The following ZNF654 variants were observed in gnomAD, a reference collection of about 807,000 sequenced individuals.
ZNF654 encodes melanoma-associated antigen.
ZNF654 carries 19 observed loss-of-function variants against 95.3 expected under a neutral mutation model. That is an observed-to-expected ratio of 0.20 (90% CI 0.14 to 0.29). ZNF654 has a LOEUF of 0.29. Among genes scored for constraint, ZNF654 ranks in the 10% least tolerant of loss-of-function variants. The probability of loss-of-function intolerance (pLI) is 1.00; values close to 1 mark genes in which losing one functional copy is unlikely to be tolerated. For synonymous variants in ZNF654, 413 were observed against 457.9 expected (o/e 0.90, Z 1.25); for missense variants, 1,046 against 1,341.0 (o/e 0.78, Z 3.44).
intron 3 of ZNF654, among the ~76,000 whole-genome samples, chr3:88,114,313 G>C (rs1202228911): frequency 6.6e-6 from 1 of 152,138 alleles, no homozygotes. Flanking sequence ...AGAGATGTTG[G>C]CTGACCACTG....
chr3:88,131,424 C>G (rs890619220), intron 6 of ZNF654, among the ~76,000 whole-genome samples: 3 of 152,120 alleles, frequency 2.0e-5, no homozygotes, highest in African/African-American at 7.2e-5. Flanking sequence ...TAGAAATGTT[C>G]TCTGCCCTGA....
chr3:88,071,385 C>A (rs1707500876), intron 1 of ZNF654, among the ~76,000 whole-genome samples: 1 of 152,174 alleles, frequency 6.6e-6, no homozygotes, highest in Non-Finnish European at 1.5e-5. Flanking sequence ...TGGCTCACTC[C>A]TGTAATCCCA....
At chr3:88,063,791 A>G (rs557826277) in intron 1 of ZNF654, among the ~76,000 whole-genome samples, 46 of 152,148 alleles carry the variant, frequency 3.0e-4, no homozygotes, top group Middle Eastern at 3.4e-3. Context: ...TACAGTGGCC[A>G]TACTATCATT....
intron 8 of ZNF654, among the ~76,000 whole-genome samples, chr3:88,141,406 G>A (rs1258812930): frequency 6.6e-6 from 1 of 151,956 alleles, no homozygotes; most frequent in Non-Finnish European, 1.5e-5. Context: ...ATTTTGATGG[G>A]AATTATTTTT....
Position 88,138,937 on chromosome 3 carries a change from A to G in ZNF654, c.1268A>G (p.Asn423Ser). Residue 423 changes from asparagine (N) to serine (S), a missense_variant, in exon 8 of 9, where the codon AAT (asparagine) becomes AGT (serine). Physicochemically the swap from Asn to Ser is conservative, Grantham distance 46. Transcript: ENST00000636215. The stretch of plus-strand genomic sequence containing the variant: ...TACAAACGTCCAGATGAAGAATATA[A>G]TGAAGGCACAAGTAGTGTTCAAAAT... The part of the protein sequence containing the change: ...ELYKRPDEEY[N>S]EGTSSVQNRV... 4 of 1,237,104 alleles carry G rather than the reference A, an allele frequency of 3.2e-6. No individual in the cohort carries two copies. In the South Asian group the frequency reaches 1.2e-4, roughly 38 times the overall value. The allele number at this position is 1,237,104 out of a possible 1,614,324, so 76.6% of individuals were successfully genotyped here. A position where few individuals can be genotyped will look rare whatever the true frequency, so the allele number is the denominator to read the frequency against.
At chr3:88,136,493 C>G (rs1706791751) in intron 7 of ZNF654, among the ~76,000 whole-genome samples, 1 of 152,120 alleles carries the variant, frequency 6.6e-6, no homozygotes, top group Admixed American at 6.6e-5. Flanking sequence ...GATGGCATAT[C>G]TAAAAAGGGT....
chr3:88,060,058 G>T (rs1706771986), intron 1 of ZNF654, among the ~76,000 whole-genome samples: 1 of 152,044 alleles, frequency 6.6e-6, no homozygotes, highest in South Asian at 2.1e-4. Context: ...CGTAGACGCT[G>T]ACCCACGGTG....
chr3:88,108,132 G>T (rs953595983), intron 2 of ZNF654, among the ~76,000 whole-genome samples: 1 of 151,908 alleles, frequency 6.6e-6, no homozygotes, highest in African/African-American at 2.4e-5. Flanking sequence ...TAAATTCTTG[G>T]CTTGAGAATT....
chr3:88,129,321 T>TAAAAAAAAAAA (rs11370327), intron 5 of ZNF654, among the ~76,000 whole-genome samples: 2 of 76,946 alleles, frequency 2.6e-5, no homozygotes, highest in Non-Finnish European at 4.8e-5. Context: ...TTGCCAGGAG[T>TAAAAAAAAAAA]AAAAAAAAAA....
At chr3:88,138,666 GAAA>G in intron 7 of ZNF654, 36 bp from the exon 8 acceptor site, 1 of 1,191,056 alleles carries the variant, frequency 8.4e-7, no homozygotes, top group African/African-American at 1.6e-5. Context: ...CATTTTTTTG[GAAA>G]AAAAGTATTT....
intron 3 of ZNF654, among the ~76,000 whole-genome samples, chr3:88,122,455 C>A (rs61296869): frequency 6.6e-6 from 1 of 152,092 alleles, no homozygotes; most frequent in Non-Finnish European, 1.5e-5. Context: ...GTTGTAGGTG[C>A]CTTCTCTAAA....
At chr3:88,074,275 G>C (rs1033664471) in intron 1 of ZNF654, among the ~76,000 whole-genome samples, 51 of 151,722 alleles carry the variant, frequency 3.4e-4, no homozygotes, top group African/African-American at 1.2e-3. Flanking sequence ...TTCTTCCTCT[G>C]ATTGGGAGTG....
At chr3:88,098,985 G>A (rs1337533087) in intron 2 of ZNF654, among the ~76,000 whole-genome samples, 3 of 152,118 alleles carry the variant, frequency 2.0e-5, no homozygotes, top group Admixed American at 6.6e-5. Flanking sequence ...TTCTGGCCGG[G>A]GCAATCAGGC....
intron 2 of ZNF654, 148 bp downstream of exon 2, chr3:88,086,550 T>A (rs1708343635): frequency 4.1e-6 from 3 of 732,500 alleles, no homozygotes; most frequent in Non-Finnish European, 6.1e-6. Context: ...TATTCAGGTT[T>A]AATTTTGAAC....
At chr3:88,064,803 C>T (rs1377978478) in intron 1 of ZNF654, among the ~76,000 whole-genome samples, 1 of 152,098 alleles carries the variant, frequency 6.6e-6, no homozygotes, top group African/African-American at 2.4e-5. Context: ...TAGGATCAGA[C>T]GTAAATGTGG....
At chr3:88,079,977 G>T (rs1232586107) in intron 1 of ZNF654, among the ~76,000 whole-genome samples, 8 of 151,786 alleles carry the variant, frequency 5.3e-5, no homozygotes, top group Non-Finnish European at 1.0e-4. Flanking sequence ...ATGACTTTTA[G>T]ATTTCCATTA....
At chr3:88,110,452 A>T (rs1705020185) in intron 2 of ZNF654, among the ~76,000 whole-genome samples, 1 of 152,132 alleles carries the variant, frequency 6.6e-6, no homozygotes, top group African/African-American at 2.4e-5. Context: ...CTGATCATTG[A>T]ATTTCATGTA....
In ZNF654 at chr3:88,142,535, C is replaced by CTGTTT. The variant is rs932406600; in HGVS notation, c.*884_*888dup. 14 of 152,270 alleles carry CTGTTT rather than the reference C, an allele frequency of 9.2e-5. No individual in the cohort carries two copies. The highest frequency in any genetic ancestry group is 3.4e-4 in the African/African-American group (14 of 41,366). The allele number at this position is 152,270 out of a possible 1,614,324, so 9.4% of individuals were successfully genotyped here. Reference sequence around the variant, plus strand: ...ATGGTAAAAGCACACTGGGATACTTCTGTTTGTGTATATGTTGGGACATTG... The same window carrying CTGTTT: ...ATGGTAAAAGCACACTGGGATACTTCTGTTTTGTTTGTGTATATGTTGGGACATTG... On this transcript the variant is annotated 3_prime_UTR_variant, in exon 9 of 9. Coordinates refer to ENST00000636215, the MANE Select transcript of ZNF654 (RefSeq NM_001350134.2).
intron 1 of ZNF654, 122 bp downstream of exon 1, chr3:88,059,627 T>G (rs1576166806): frequency 7.6e-7 from 1 of 1,318,788 alleles, no homozygotes; most frequent in Non-Finnish European, 9.8e-7. Flanking sequence ...ACAAGGAGGG[T>G]GAGGCTGAAG....
Sources: gnomAD v4.1 joint callset for allele counts (sites outside exome capture counted in the v4.1 genomes callset) on GRCh38, gnomAD v4.1.1 for gene constraint, MANE v1.5 for transcripts, NCBI Gene and HGNC (gene_info 2026-07-23, HGNC 2026-07-21) for gene names.